Variants in EPB41L3 observed in about 807,000 individuals in gnomAD.
EPB41L3 encodes band 4.1-like protein 3.
EPB41L3 carries 57 observed loss-of-function variants against 127.1 expected under a neutral mutation model. The ratio of observed to expected loss-of-function variants is 0.45; its 90% CI spans 0.36 to 0.56. EPB41L3 has a LOEUF of 0.56. Ranked by LOEUF, EPB41L3 falls within the 20% of genes least tolerant of loss-of-function variation. The pLI is 0.00. For missense variants in EPB41L3, 1,273 were observed against 1,372.2 expected (o/e 0.93, Z 1.14); for synonymous variants, 572 against 549.5 (o/e 1.04, Z -0.57).
intron 1 of EPB41L3, among the ~76,000 whole-genome samples, chr18:5,622,982 A>G (rs1167069603): frequency 1.3e-5 from 1 of 74,940 alleles, no homozygotes. Flanking sequence ...TTTTTTAGCT[A>G]TCAGACCAGT....
rs141738182 is a variant in EPB41L3 at position 5,529,679 on chromosome 18, T to C, written c.-12+14234A>G. On this transcript the variant is annotated intron_variant, in intron 1 of 22. Coordinates refer to ENST00000341928, the MANE Select transcript of EPB41L3 (RefSeq NM_012307.5). Reference sequence around the variant, plus strand: ...TCCAAATCACATTGCCCCAGCTCCATAGACCTTTTCCTCTTCTACTTCTCC... The same window carrying C: ...TCCAAATCACATTGCCCCAGCTCCACAGACCTTTTCCTCTTCTACTTCTCC... Among the ~76,000 whole-genome samples the C allele has an allele frequency of 6.5e-3, 986 of 152,298 alleles. 14 individuals are homozygous for C. The highest frequency in any genetic ancestry group is 0.022 in the African/African-American group (918 of 41,568).
At chr18:5,395,554 A>G (rs1438963812) in intron 20 of EPB41L3, 55 bp downstream of exon 20, 6 of 1,530,952 alleles carry the variant, frequency 3.9e-6, no homozygotes, top group Non-Finnish European at 5.4e-6. Context: ...CTGAACAAGC[A>G]CCTTCCTCCA....
chr18:5,419,684 C>T, intron 12 of EPB41L3, 27 bp downstream of exon 12: 1 of 1,612,596 alleles, frequency 6.2e-7, no homozygotes, highest in Non-Finnish European at 8.5e-7. Context: ...CTGGAGCAAG[C>T]TCTTGCAGGC....
At chr18:5,403,311 C>T (rs2074812470) in intron 16 of EPB41L3, among the ~76,000 whole-genome samples, 1 of 152,068 alleles carries the variant, frequency 6.6e-6, no homozygotes, top group African/African-American at 2.4e-5. Context: ...GCTGTTAACT[C>T]AAATATCTGA....
At chr18:5,596,260 C>A (rs1322610108) in intron 3 of EPB41L3, among the ~76,000 whole-genome samples, 1 of 152,150 alleles carries the variant, frequency 6.6e-6, no homozygotes, top group African/African-American at 2.4e-5. Context: ...TGGGTCCCAC[C>A]CCTGCAGTCT....
intron 1 of EPB41L3, 64 bp from the exon 2 acceptor site, chr18:5,489,258 C>G (rs2090304177): frequency 1.3e-6 from 2 of 1,528,024 alleles, no homozygotes; most frequent in Admixed American, 2.4e-5. Flanking sequence ...TGCAAGAAAA[C>G]TAGGATGCTC....
chr18:5,441,611 G>A (rs930197158), intron 5 of EPB41L3, among the ~76,000 whole-genome samples: 31 of 152,140 alleles, frequency 2.0e-4, no homozygotes, highest in Admixed American at 9.8e-4. Flanking sequence ...GACTACAGGC[G>A]CACGCCACCA....
intron 2 of EPB41L3, among the ~76,000 whole-genome samples, chr18:5,487,992 T>C (rs2090052092): frequency 6.6e-6 from 1 of 152,320 alleles, no homozygotes; most frequent in South Asian, 2.1e-4. Flanking sequence ...TCCAGATTGC[T>C]TTACCACATA....
chr18:5,526,990 A>T (rs2093244340), intron 1 of EPB41L3, among the ~76,000 whole-genome samples: 1 of 150,382 alleles, frequency 6.6e-6, no homozygotes, highest in African/African-American at 2.5e-5. Flanking sequence ...AAATTACAAG[A>T]CAATAGAATA....
chr18:5,602,855 A>T (rs945782725), intron 3 of EPB41L3, among the ~76,000 whole-genome samples: 36 of 152,354 alleles, frequency 2.4e-4, no homozygotes, highest in Admixed American at 2.2e-3. Context: ...AAAATGGTTG[A>T]TAAGGAAAGC....
intron 1 of EPB41L3, among the ~76,000 whole-genome samples, chr18:5,490,972 G>T (rs971125849): frequency 3.3e-5 from 5 of 152,184 alleles, no homozygotes; most frequent in Non-Finnish European, 7.3e-5. Context: ...GGAGCTCCTA[G>T]TCTGTGCCGG....
intron 3 of EPB41L3, among the ~76,000 whole-genome samples, chr18:5,607,045 T>A (rs993021827): frequency 6.6e-6 from 1 of 152,138 alleles, no homozygotes; most frequent in Non-Finnish European, 1.5e-5. Context: ...TGAAAAATAA[T>A]TTTTAAACTG....
chr18:5,509,010 G>A (rs1193790461), intron 1 of EPB41L3, among the ~76,000 whole-genome samples: 4 of 152,152 alleles, frequency 2.6e-5, no homozygotes, highest in Non-Finnish European at 5.9e-5. Context: ...ACGCAGCAGA[G>A]GCCAGCTTCA....
chr18:5,485,105 C>T (rs1208647450), intron 2 of EPB41L3, among the ~76,000 whole-genome samples: 2 of 151,764 alleles, frequency 1.3e-5, no homozygotes, highest in South Asian at 2.1e-4. Flanking sequence ...ACTAGCAAAC[C>T]GAATTCAACA....
chr18:5,423,652 T>A, intron 10 of EPB41L3, 99 bp from the exon 11 acceptor site: 4 of 1,083,534 alleles, frequency 3.7e-6, no homozygotes, highest in Non-Finnish European at 5.2e-6. Context: ...TTTTGCATGC[T>A]AAACATTTAA....
intron 1 of EPB41L3, among the ~76,000 whole-genome samples, chr18:5,498,157 T>C (rs1056080853): frequency 1.3e-5 from 2 of 152,198 alleles, no homozygotes; most frequent in African/African-American, 2.4e-5. Context: ...TTTTCACATA[T>C]TGTTCTAAAC....
intron 1 of EPB41L3, among the ~76,000 whole-genome samples, chr18:5,530,698 C>G (rs115020077): frequency 6.6e-6 from 1 of 152,150 alleles, no homozygotes; most frequent in Non-Finnish European, 1.5e-5. Flanking sequence ...CCTTCTCCAC[C>G]GCATGGCTCC....
chr18:5,531,331 C>G (rs2093404591), intron 1 of EPB41L3, among the ~76,000 whole-genome samples: 1 of 152,040 alleles, frequency 6.6e-6, no homozygotes. Context: ...GAATTGCAGT[C>G]AAAATTCAGA....
At chr18:5,561,023 G>GCCGGA (rs1432890381) in intron 3 of EPB41L3, among the ~76,000 whole-genome samples, 2,429 of 141,150 alleles carry the variant, frequency 0.017, 135 homozygotes, top group African/African-American at 0.053. Flanking sequence ...TGTCGCCCAG[G>GCCGGA]CTGGAGTGCA....
Sources: gnomAD v4.1 joint callset for allele counts (sites outside exome capture counted in the v4.1 genomes callset) on GRCh38, gnomAD v4.1.1 for gene constraint, MANE v1.5 for transcripts, NCBI Gene and HGNC (gene_info 2026-07-23, HGNC 2026-07-21) for gene names.